The following LRRC8D variants were observed in gnomAD, a reference collection of about 807,000 sequenced individuals.
LRRC8D encodes volume-regulated anion channel subunit LRRC8D.
LRRC8D carries 20 observed loss-of-function variants against 55.8 expected under a neutral mutation model. That is an observed-to-expected ratio of 0.36 (90% CI 0.25 to 0.52). LRRC8D has a LOEUF of 0.52. Among genes scored for constraint, LRRC8D ranks in the 20% least tolerant of loss-of-function variants. LRRC8D has a pLI of 0.93. For missense variants in LRRC8D, 651 were observed against 1,030.8 expected (o/e 0.63, Z 5.05); for synonymous variants, 352 against 377.0 (o/e 0.93, Z 0.77).
rs553866339 is a variant in LRRC8D, at chr1:89,864,139, T to C, written c.-3+20357T>C. 3.9e-5 allele frequency among the ~76,000 whole-genome samples: 6 copies of C among 152,354 alleles called. No individual in the cohort carries two copies. In the South Asian group the frequency reaches 1.0e-3, roughly 26 times the overall value. On this transcript the variant is annotated intron_variant, in intron 2 of 2. Coordinates refer to ENST00000337338, the MANE Select transcript of LRRC8D (RefSeq NM_001134479.2). ...CATGTCAATAGTGAGGATCAAAAGA[T>C]TGGTCTGTTCTGTTTTTTGTCTTTG...
intron 2 of LRRC8D, among the ~76,000 whole-genome samples, chr1:89,902,217 C>T (rs953906381): frequency 4.6e-5 from 7 of 152,252 alleles, no homozygotes; most frequent in Admixed American, 6.5e-5. Flanking sequence ...GGAAGATGCT[C>T]CTGCAGCAGG....
intron 2 of LRRC8D, among the ~76,000 whole-genome samples, chr1:89,874,234 A>G (rs777983127): frequency 2.0e-5 from 3 of 152,202 alleles, no homozygotes; most frequent in Non-Finnish European, 2.9e-5. Flanking sequence ...GTGGCTTATC[A>G]AGCTCATAAT....
intron 2 of LRRC8D, among the ~76,000 whole-genome samples, chr1:89,861,207 AG>A (rs1661713168): frequency 1.3e-5 from 2 of 152,198 alleles, no homozygotes; most frequent in Admixed American, 1.3e-4. Flanking sequence ...GTGCTAGAAA[AG>A]CCCATGCTTA....
intron 2 of LRRC8D, among the ~76,000 whole-genome samples, chr1:89,906,542 G>A (rs370243905): frequency 5.3e-5 from 8 of 152,170 alleles, no homozygotes; most frequent in African/African-American, 1.9e-4. Context: ...ATTTAAAGTA[G>A]ACTGTGACTG....
chr1:89,823,250 G>A (rs1294375858), intron 1 of LRRC8D, among the ~76,000 whole-genome samples: 1 of 152,046 alleles, frequency 6.6e-6, no homozygotes, highest in Non-Finnish European at 1.5e-5. Context: ...AAAGTATTGA[G>A]CCATATTCAT....
At chr1:89,873,282 T>C (rs1662067625) in intron 2 of LRRC8D, among the ~76,000 whole-genome samples, 1 of 152,238 alleles carries the variant, frequency 6.6e-6, no homozygotes, top group Admixed American at 6.5e-5. Flanking sequence ...TTAATTTCTG[T>C]GTTACAGCCT....
rs1661815829 is a variant in LRRC8D at position 89,865,333 on chromosome 1, TA to T, written c.-3+21552del. Among the ~76,000 whole-genome samples the T allele has an allele frequency of 1.9e-4, 7 of 37,586 alleles. No homozygotes were observed. The South Asian group carries it at 5.0e-3, about 27-fold the overall frequency. 24.7% of individuals were successfully genotyped at this position (37,586 alleles called of 152,430 possible). ...CTAAATATGTATAAACATGAAATTATATATATATATATATATATATATATAT... is the reference window on the plus strand; with the variant it reads ...CTAAATATGTATAAACATGAAATTATTATATATATATATATATATATATAT... On this transcript the variant is annotated intron_variant, in intron 2 of 2. Coordinates refer to ENST00000337338, the MANE Select transcript of LRRC8D (RefSeq NM_001134479.2).
chr1:89,863,662 T>C (rs540518566), intron 2 of LRRC8D, among the ~76,000 whole-genome samples: 1 of 152,202 alleles, frequency 6.6e-6, no homozygotes, highest in Non-Finnish European at 1.5e-5. Context: ...CTGTGTTATT[T>C]AGTTCTTCCT....
Position 89,837,718 on chromosome 1 carries a change from A to G in LRRC8D, c.-147-5920A>G, listed in dbSNP as rs193037376. ...CTAGGGTTAGTTAAAAAATTGATGAATAAGCTATTAAAAGTTCATAATAAA... is the reference window on the plus strand; with the variant it reads ...CTAGGGTTAGTTAAAAAATTGATGAGTAAGCTATTAAAAGTTCATAATAAA... On this transcript the variant is annotated intron_variant, in intron 1 of 2. Coordinates refer to ENST00000337338, the MANE Select transcript of LRRC8D (RefSeq NM_001134479.2). Among the ~76,000 whole-genome samples, 124 of 152,348 alleles carry G rather than the reference A, an allele frequency of 8.1e-4. 1 individual carries two copies. The highest frequency in any genetic ancestry group is 2.5e-3 in the African/African-American group (103 of 41,580).
At chr1:89,855,376 G>A (rs938594030) in intron 2 of LRRC8D, among the ~76,000 whole-genome samples, 1 of 152,198 alleles carries the variant, frequency 6.6e-6, no homozygotes, top group African/African-American at 2.4e-5. Context: ...TCAAGGTGTG[G>A]TTAGCATTAA....
At chr1:89,854,261 C>G (rs1661495670) in intron 2 of LRRC8D, among the ~76,000 whole-genome samples, 1 of 152,134 alleles carries the variant, frequency 6.6e-6, no homozygotes, top group Non-Finnish European at 1.5e-5. Context: ...GAGGAGACAG[C>G]TGGAAGTTAG....
At chr1:89,832,470 A>T (rs1660910991) in intron 1 of LRRC8D, among the ~76,000 whole-genome samples, 1 of 152,130 alleles carries the variant, frequency 6.6e-6, no homozygotes, top group African/African-American at 2.4e-5. Context: ...AATAACTTTA[A>T]ATTTCTAATA....
chr1:89,829,301 C>T (rs1240828856), intron 1 of LRRC8D, among the ~76,000 whole-genome samples: 1 of 152,208 alleles, frequency 6.6e-6, no homozygotes, highest in Non-Finnish European at 1.5e-5. Flanking sequence ...AACCTATGCC[C>T]TGGAATTTAC....
chr1:89,833,701 C>G (rs1041337143), intron 1 of LRRC8D: 1 of 152,152 alleles, frequency 6.6e-6, no homozygotes, highest in Non-Finnish European at 1.5e-5. Context: ...TCACAATAGC[C>G]ATGTGTGTCA....
At chr1:89,860,433 C>T (rs908172042) in intron 2 of LRRC8D, among the ~76,000 whole-genome samples, 1 of 151,878 alleles carries the variant, frequency 6.6e-6, no homozygotes, top group Non-Finnish European at 1.5e-5. Flanking sequence ...TTTATTGATC[C>T]CAGGGCTCTT....
chr1:89,878,139 G>A lies in LRRC8D; in HGVS notation c.-3+34357G>A, dbSNP rs554209817. 8.5e-5 allele frequency among the ~76,000 whole-genome samples: 13 copies of A among 152,294 alleles called. No homozygotes were observed. In the South Asian group the frequency reaches 2.7e-3, roughly 32 times the overall value. On this transcript the variant is annotated intron_variant, in intron 2 of 2. Coordinates refer to ENST00000337338, the MANE Select transcript of LRRC8D (RefSeq NM_001134479.2). ...CATCTTCAGTATTTTTTACTAATTAGTTCCATAGACTTGCAGTGGATAAAC... is the reference window on the plus strand; with the variant it reads ...CATCTTCAGTATTTTTTACTAATTAATTCCATAGACTTGCAGTGGATAAAC...
intron 2 of LRRC8D, among the ~76,000 whole-genome samples, chr1:89,922,741 A>G (rs569673107): frequency 6.6e-6 from 1 of 152,380 alleles, no homozygotes; most frequent in South Asian, 2.1e-4. Flanking sequence ...AGAATGTAGT[A>G]TAGCATGAAT....
intron 1 of LRRC8D, among the ~76,000 whole-genome samples, chr1:89,830,881 T>G (rs942567531): frequency 4.2e-4 from 64 of 151,974 alleles, no homozygotes; most frequent in Non-Finnish European, 3.4e-4. Flanking sequence ...AAGCATAGGG[T>G]TTGAATAAAA....
chr1:89,825,495 G>A (rs1225450895), intron 1 of LRRC8D, among the ~76,000 whole-genome samples: 1 of 152,160 alleles, frequency 6.6e-6, no homozygotes, highest in East Asian at 1.9e-4. Flanking sequence ...AGTTGCTTTT[G>A]AAATTTGTGA....
Sources: gnomAD v4.1 joint callset for allele counts (sites outside exome capture counted in the v4.1 genomes callset) on GRCh38, gnomAD v4.1.1 for gene constraint, MANE v1.5 for transcripts, NCBI Gene and HGNC (gene_info 2026-07-23, HGNC 2026-07-21) for gene names.